MRTFB: variants seen among roughly 807,000 people sequenced by gnomAD.
MRTFB encodes the protein myocardin related transcription factor B.
MRTFB carries 29 observed loss-of-function variants against 104.2 expected under a neutral mutation model. The ratio of observed to expected loss-of-function variants is 0.28; its 90% CI spans 0.21 to 0.38. The LOEUF is 0.38. MRTFB is among the 10% of genes least tolerant of loss of function. The pLI, the probability that MRTFB is intolerant of heterozygous loss-of-function variation, is 1.00. For missense variants in MRTFB, 1,270 were observed against 1,341.6 expected (o/e 0.95, Z 0.83); for synonymous variants, 535 against 519.5 (o/e 1.03, Z -0.41).
At chr16:14,148,539 T>C (rs1341932204) in intron 3 of MRTFB, 1 of 152,626 alleles carries the variant, frequency 6.6e-6, no homozygotes, top group Non-Finnish European at 1.5e-5. Context: ...GTGTTGGAAT[T>C]TTCTCTTTGG....
chr16:14,016,562 C>T, the MRTFB span, among the ~76,000 whole-genome samples: 1 of 151,938 alleles, frequency 6.6e-6, no homozygotes, highest in Non-Finnish European at 1.5e-5. Flanking sequence ...CACCTGAGGT[C>T]GGGAGTTCGA....
rs553659373 is a variant in MRTFB, at chr16:14,221,833, G to A, written c.693+2835G>A. 4.2e-4 allele frequency among the ~76,000 whole-genome samples: 58 copies of A among 139,608 alleles called. 1 individual carries two copies. Among genetic ancestry groups the A allele is most frequent in the Non-Finnish European group, 7.5e-4 (49 of 65,726 alleles). The allele number at this position is 139,608 out of a possible 152,430, so 91.6% of individuals were successfully genotyped here. ...GTCTCACTCTGTCACCCAGGCTGGAGTGCAATGGTGTGATCTCAGCTTACT... is the reference window on the plus strand; with the variant it reads ...GTCTCACTCTGTCACCCAGGCTGGAATGCAATGGTGTGATCTCAGCTTACT... On this transcript the variant is annotated intron_variant, in intron 8 of 16. Transcript: ENST00000571589.
chr16:14,017,247 G>A, the MRTFB span, among the ~76,000 whole-genome samples: 8 of 151,662 alleles, frequency 5.3e-5, no homozygotes, highest in East Asian at 7.8e-4. Flanking sequence ...TAATAGAGAC[G>A]GGGTTTCACC....
At chr16:14,004,808 T>C in the MRTFB span, among the ~76,000 whole-genome samples, 1 of 152,222 alleles carries the variant, frequency 6.6e-6, no homozygotes, top group Admixed American at 6.5e-5. Context: ...TCACTGGAAT[T>C]ACCTCCATGA....
intron 3 of MRTFB, among the ~76,000 whole-genome samples, chr16:14,157,097 A>C (rs2038856530): frequency 6.6e-6 from 1 of 152,226 alleles, no homozygotes; most frequent in South Asian, 2.1e-4. Flanking sequence ...CATAATGTGC[A>C]CATAGTACTT....
intron 2 of MRTFB, among the ~76,000 whole-genome samples, chr16:14,120,012 T>C (rs765350427): frequency 1.3e-5 from 2 of 152,232 alleles, no homozygotes; most frequent in Admixed American, 6.5e-5. Flanking sequence ...TGTCAGACTT[T>C]CAAATTTTTG....
intron 1 of MRTFB, among the ~76,000 whole-genome samples, chr16:14,073,392 A>G (rs1268341390): frequency 6.6e-6 from 1 of 152,136 alleles, no homozygotes; most frequent in Non-Finnish European, 1.5e-5. Context: ...TTGGAGAACC[A>G]CTCCAAACAT....
At chr16:14,043,952 A>C in the MRTFB span, among the ~76,000 whole-genome samples, 1 of 152,232 alleles carries the variant, frequency 6.6e-6, no homozygotes, top group Admixed American at 6.5e-5. Flanking sequence ...TAGTGACTAA[A>C]CCAGACTGGG....
At position 14,247,207 on chromosome 16, in the gene MRTFB, C is replaced by T; in HGVS notation, c.1947C>T (p.Ser649=). 1 of 1,614,182 alleles carries T rather than the reference C, an allele frequency of 6.2e-7. No homozygotes were observed. The highest frequency in any genetic ancestry group is 8.5e-7 in the Non-Finnish European group (1 of 1,180,038). The change falls in exon 12 of 17, where the codon AGC becomes AGT. Residue 649 remains serine, a synonymous_variant. Transcript: ENST00000571589. The stretch of plus-strand genomic sequence containing the variant: ...AGGCCTCACTCCCTGACTGCTCCAG[C>T]TCCAGGCAGCCCATCCCAGTAGCCA... ...KDEASLPDCS[S]SRQPIPVASH...
intron 2 of MRTFB, among the ~76,000 whole-genome samples, chr16:14,102,970 T>C (rs2035776603): frequency 6.6e-6 from 1 of 152,208 alleles, no homozygotes; most frequent in African/African-American, 2.4e-5. Flanking sequence ...AGACCATTTG[T>C]ATATCAGCTC....
intron 2 of MRTFB, among the ~76,000 whole-genome samples, chr16:14,125,867 C>T (rs1388029734): frequency 1.3e-5 from 2 of 152,128 alleles, no homozygotes; most frequent in Non-Finnish European, 2.9e-5. Flanking sequence ...AATAATGCCG[C>T]TTGAAAAACA....
chr16:14,137,140 G>A (rs1407175209), intron 2 of MRTFB, among the ~76,000 whole-genome samples: 1 of 152,042 alleles, frequency 6.6e-6, no homozygotes, highest in Non-Finnish European at 1.5e-5. Flanking sequence ...GTGTGATATT[G>A]GATCTTATTT....
chr16:14,110,134 A>G (rs1050334043), intron 2 of MRTFB, among the ~76,000 whole-genome samples: 3 of 152,220 alleles, frequency 2.0e-5, no homozygotes, highest in African/African-American at 7.2e-5. Flanking sequence ...GAGAAGTCTC[A>G]AAGTCTGAGC....
Position 14,261,450 on chromosome 16 carries a change from C to T in MRTFB, c.*6C>T. The T allele has an allele frequency of 6.4e-7, 1 of 1,574,750 alleles. No individual in the cohort carries two copies. Among genetic ancestry groups the T allele is most frequent in the Non-Finnish European group, 8.6e-7 (1 of 1,157,830 alleles). On this transcript the variant is annotated 3_prime_UTR_variant, in exon 17 of 17. Coordinates refer to ENST00000571589, the MANE Select transcript of MRTFB (RefSeq NM_001308142.2). ...TACCGCTGCCATGGGACTAACGTCA[C>T]AGATTTCTTTTCTGAGAGTTGATGA...
At position 14,247,063 on chromosome 16, in the gene MRTFB, A is replaced by G. The variant is rs142392091; in HGVS notation, c.1803A>G (p.Gln601=). 6 of 1,614,184 alleles carry G rather than the reference A, an allele frequency of 3.7e-6. No individual in the cohort carries two copies. Among genetic ancestry groups the G allele is most frequent in the Admixed American group, 1.7e-5 (1 of 60,020 alleles). Residue 601 remains glutamine, a synonymous_variant, in exon 12 of 17, where the codon CAA becomes CAG. Transcript: ENST00000571589. ...EQKLVEVLKM[Q]LEVEKRGQQQ... ...AGCTCGTGGAAGTGCTGAAAATGCA[A>G]CTTGAGGTTGAAAAACGAGGGCAGC...
intron 3 of MRTFB, among the ~76,000 whole-genome samples, chr16:14,168,750 G>A (rs2142977524): frequency 6.6e-6 from 1 of 152,258 alleles, no homozygotes; most frequent in African/African-American, 2.4e-5. Flanking sequence ...GAGTTGCTGG[G>A]TGAATATTTA....
the MRTFB span, among the ~76,000 whole-genome samples, chr16:14,003,640 G>GCCTGCCTGCCTC: frequency 6.8e-5 from 10 of 146,794 alleles, no homozygotes; most frequent in Non-Finnish European, 1.3e-4. Flanking sequence ...CTGCCTGCCT[G>GCCTGCCTGCCTC]CCTCCCTCCC....
At chr16:14,187,542 G>A (rs775691789) in intron 3 of MRTFB, among the ~76,000 whole-genome samples, 10 of 152,142 alleles carry the variant, frequency 6.6e-5, no homozygotes, top group African/African-American at 1.2e-4. Context: ...GCATTGCATC[G>A]TTTTTTGTTT....
At chr16:14,180,490 A>C (rs781409145) in intron 3 of MRTFB, among the ~76,000 whole-genome samples, 1 of 152,200 alleles carries the variant, frequency 6.6e-6, no homozygotes, top group Non-Finnish European at 1.5e-5. Context: ...TTCTAAGTTG[A>C]TGAAAGTGTG....
Sources: allele counts gnomAD v4.1 joint callset (sites outside exome capture counted in the v4.1 genomes callset), GRCh38; gene constraint gnomAD v4.1.1; transcripts MANE v1.5; gene names NCBI Gene and HGNC (gene_info 2026-07-23, HGNC 2026-07-21).